The following IFT140 variants were observed in gnomAD, a reference collection of about 807,000 sequenced individuals.
The protein encoded by IFT140 is intraflagellar transport protein 140 homolog.
IFT140 carries 133 observed loss-of-function variants against 164.6 expected under a neutral mutation model. That is an observed-to-expected ratio of 0.81 (90% confidence interval 0.70 to 0.93). The LOEUF (loss-of-function observed/expected upper bound fraction) is 0.93. Ranked by LOEUF, IFT140 falls within the 40% of genes least tolerant of loss-of-function variation. IFT140 has a pLI of 0.00. For synonymous variants in IFT140, 860 were observed against 817.3 expected (o/e 1.05, Z -0.89); for missense variants, 2,045 against 1,972.3 (o/e 1.04, Z -0.70).
intron 4 of IFT140, among the ~76,000 whole-genome samples, chr16:1,601,714 T>C (rs1201157956): frequency 1.3e-5 from 2 of 152,214 alleles, no homozygotes; most frequent in East Asian, 1.9e-4. Context: ...AGCAGCAGGA[T>C]AGGTGGTAAG....
At chr16:1,595,665 T>G (rs1465847692) in intron 4 of IFT140, among the ~76,000 whole-genome samples, 1 of 151,504 alleles carries the variant, frequency 6.6e-6, no homozygotes, top group Non-Finnish European at 1.5e-5. Flanking sequence ...CAAGATCTAT[T>G]AAAATAGCAT....
At chr16:1,518,183 G>C in intron 30 of IFT140, 33 bp downstream of exon 30, 1 of 1,581,056 alleles carries the variant, frequency 6.3e-7, no homozygotes, top group Middle Eastern at 2.0e-4. Context: ...TTGTGTGGCG[G>C]GATGCTGCTA....
At chr16:1,600,883 C>T (rs2035760903) in intron 4 of IFT140, among the ~76,000 whole-genome samples, 1 of 149,190 alleles carries the variant, frequency 6.7e-6, no homozygotes, top group African/African-American at 2.5e-5. Context: ...ATGTAAATTT[C>T]ATGAAAGACC....
intron 19 of IFT140, chr16:1,534,223 C>T (rs755413778): frequency 8.1e-6 from 13 of 1,595,796 alleles, no homozygotes; most frequent in Non-Finnish European, 1.1e-5. Context: ...GGACGTGCGG[C>T]CGCGGACTGG....
chr16:1,591,679 G>A (rs1022499218), intron 6 of IFT140, among the ~76,000 whole-genome samples: 6 of 152,082 alleles, frequency 3.9e-5, no homozygotes, highest in Non-Finnish European at 5.9e-5. Flanking sequence ...GAGGAAGAAC[G>A]GGCTGAACAC....
chr16:1,512,001 C>T (rs554497385), intron 30 of IFT140, among the ~76,000 whole-genome samples: 6 of 151,310 alleles, frequency 4.0e-5, no homozygotes, highest in South Asian at 2.1e-4. Flanking sequence ...AAAGGGCCGG[C>T]GTCCTGATGC....
Position 1,525,964 on chromosome 16 carries a change from G to A in IFT140, c.2691C>T (p.Arg897=), listed in dbSNP as rs776456361. The change falls in exon 21 of 31, where the codon CGC becomes CGT. Residue 897 remains arginine, a synonymous_variant. Transcript: ENST00000426508. ...GGTGGTAGGTGCTGCGCAGGTGCACGCGATCGTGGTGCTCGGCTACCTGGA... is the reference window on the plus strand; with the variant it reads ...GGTGGTAGGTGCTGCGCAGGTGCACACGATCGTGGTGCTCGGCTACCTGGA... ...EALQVAEHHD[R]VHLRSTYHRY... is the part of the protein sequence containing the mutation. 4.1e-5 allele frequency: 65 copies of A among 1,585,664 alleles called. No individual in the cohort carries two copies. Among genetic ancestry groups the A allele is most frequent in the Admixed American group, 5.4e-5 (3 of 56,054 alleles).
At chr16:1,528,305 A>C (rs1229046628) in intron 19 of IFT140, among the ~76,000 whole-genome samples, 4 of 126,900 alleles carry the variant, frequency 3.2e-5, no homozygotes, top group Admixed American at 7.5e-5. Flanking sequence ...CACCAAAGCC[A>C]CACACACACG....
intron 21 of IFT140, 46 bp downstream of exon 21, chr16:1,525,840 AG>A (rs1251107971): frequency 1.4e-6 from 2 of 1,474,364 alleles, no homozygotes; most frequent in South Asian, 1.3e-5. Context: ...CTCACAAGCC[AG>A]GGCCATCCAG....
rs774892063 is a variant in IFT140 at position 1,602,524 on chromosome 16, G to A, written c.215C>T (p.Thr72Met). ...FRVASLCWHP[T>M]RLVLAVGWET... is the part of the protein sequence containing the mutation. ...CCAGCCCACAGCCAGCACCAGCCGC[G>A]TCGGGTGCCAGCACAGGGAAGCAAC... Residue 72 changes from threonine to methionine, a missense_variant, in exon 4 of 31, where the codon ACG becomes ATG. By Grantham distance (81) the Thr-to-Met change is moderately conservative. Transcript: ENST00000426508. The A allele has an allele frequency of 2.7e-5, 44 of 1,613,984 alleles. No individual in the cohort carries two copies. The East Asian group carries it at 7.1e-4, about 26-fold the overall frequency.
Position 1,534,049 on chromosome 16 carries a change from C to T in IFT140, c.2400-7253G>A, listed in dbSNP as rs963422457. 24 of 556,806 alleles carry T rather than the reference C, an allele frequency of 4.3e-5. No homozygotes were observed. Among genetic ancestry groups the T allele is most frequent in the Admixed American group, 3.1e-4 (8 of 25,984 alleles). 34.5% of individuals were successfully genotyped at this position (556,806 alleles called of 1,614,324 possible). A position where few individuals can be genotyped will look rare whatever the true frequency, so the allele number is the denominator to read the frequency against. The stretch of plus-strand genomic sequence containing the variant: ...CTGCTCCCTGGGATGGGCCCCGAGG[C>T]GAGCAGCTTCAGCACAGGCCTGGCC... On this transcript the variant is annotated intron_variant, in intron 19 of 30. Transcript: ENST00000426508.
intron 18 of IFT140, among the ~76,000 whole-genome samples, chr16:1,560,822 C>G (rs1191541520): frequency 6.6e-6 from 1 of 152,244 alleles, no homozygotes; most frequent in Non-Finnish European, 1.5e-5. Flanking sequence ...CAAAAGCAAT[C>G]CAGGTCCGAG....
intron 13 of IFT140, among the ~76,000 whole-genome samples, chr16:1,578,766 C>T (rs1567394828): frequency 2.0e-5 from 3 of 152,176 alleles, no homozygotes. Flanking sequence ...GGCTGGAGGA[C>T]AGTGGTGCAA....
At chr16:1,550,783 G>T (rs74411257) in intron 19 of IFT140, among the ~76,000 whole-genome samples, 1 of 152,184 alleles carries the variant, frequency 6.6e-6, no homozygotes, top group African/African-American at 2.4e-5. Context: ...AGAGATTAAT[G>T]ACTTCCCCAT....
At chr16:1,580,591 T>C (rs2034504509) in intron 13 of IFT140, 168 bp downstream of exon 13, 2 of 534,918 alleles carry the variant, frequency 3.7e-6, no homozygotes, top group Non-Finnish European at 6.7e-6. Flanking sequence ...GTAATGTGAG[T>C]CAACAAAGCC....
At chr16:1,565,186 A>C (rs2033643453) in intron 16 of IFT140, among the ~76,000 whole-genome samples, 1 of 152,178 alleles carries the variant, frequency 6.6e-6, no homozygotes, top group African/African-American at 2.4e-5. Context: ...GGTATGAGAA[A>C]CGCTGCGGAC....
intron 4 of IFT140, among the ~76,000 whole-genome samples, chr16:1,596,235 G>A (rs961826253): frequency 2.0e-5 from 3 of 150,380 alleles, no homozygotes; most frequent in East Asian, 2.0e-4. Context: ...GCCGAGGACC[G>A]CAGTGGCTCC....
chr16:1,544,019 C>CTTTTT (rs768616715), intron 19 of IFT140, among the ~76,000 whole-genome samples: 2 of 140,044 alleles, frequency 1.4e-5, no homozygotes. Context: ...CACTACATTT[C>CTTTTT]TTTTTTTTTT....
At chr16:1,608,706 G>C (rs1012254841) in intron 2 of IFT140, among the ~76,000 whole-genome samples, 8 of 148,860 alleles carry the variant, frequency 5.4e-5, no homozygotes, top group Non-Finnish European at 8.9e-5. Flanking sequence ...ATTTAAAATA[G>C]CAAAAGAAAC....
Sources: allele counts gnomAD v4.1 joint callset (sites outside exome capture counted in the v4.1 genomes callset), GRCh38; gene constraint gnomAD v4.1.1; transcripts MANE v1.5; gene names NCBI Gene and HGNC (gene_info 2026-07-23, HGNC 2026-07-21).